The following MMS22L variants were observed in gnomAD, a reference collection of about 807,000 sequenced individuals.
MMS22L encodes the protein protein MMS22-like.
A neutral mutation model predicts 159.1 loss-of-function variants in MMS22L; 74 were observed. The ratio of observed to expected loss-of-function variants is 0.47; its 90% CI spans 0.39 to 0.56. The LOEUF is 0.56. MMS22L is among the 20% of genes least tolerant of loss of function. The pLI is 0.00. For missense variants in MMS22L, 1,351 were observed against 1,422.1 expected (o/e 0.95, Z 0.80); for synonymous variants, 517 against 506.9 (o/e 1.02, Z -0.27).
Position 97,270,257 on chromosome 6 carries a change from T to C in MMS22L, c.607-265A>G, listed in dbSNP as rs1348483736. ...ATAGACTTGTATAGTAAAGGTACCTTCCAACCAACCTCTGATTCTACTACA... is the reference window on the plus strand; with the variant it reads ...ATAGACTTGTATAGTAAAGGTACCTCCCAACCAACCTCTGATTCTACTACA... On this transcript the variant is annotated intron_variant, in intron 6 of 24. Coordinates refer to ENST00000683635, the MANE Select transcript of MMS22L (RefSeq NM_001350599.2). 5.3e-6 allele frequency: 3 copies of C among 569,594 alleles called. No homozygotes were observed. In the African/African-American group the frequency reaches 5.6e-5, roughly 11 times the overall value. The allele number at this position is 569,594 out of a possible 1,614,324, so 35.3% of individuals were successfully genotyped here. A position where few individuals can be genotyped will look rare whatever the true frequency, so the allele number is the denominator to read the frequency against.
Position 97,144,306 on chromosome 6 carries a change from G to GC in MMS22L, c.*2499dup, listed in dbSNP as rs1417323404. 6.6e-6 allele frequency: 1 copy of GC among 152,048 alleles called. No homozygotes were observed. The highest frequency in any genetic ancestry group is 1.5e-5 in the Non-Finnish European group (1 of 68,016). The allele number at this position is 152,048 out of a possible 1,614,324, so 9.4% of individuals were successfully genotyped here. ...GGATCCCCTGTGCATACCATAATCT[G>GC]CACTTACTCAAGTCCTGCAGTTAAC... On this transcript the variant is annotated 3_prime_UTR_variant, in exon 25 of 25. Transcript: ENST00000683635.
intron 22 of MMS22L, among the ~76,000 whole-genome samples, chr6:97,154,032 G>A (rs1801594088): frequency 6.6e-6 from 1 of 152,044 alleles, no homozygotes; most frequent in Non-Finnish European, 1.5e-5. Flanking sequence ...ACCGCTTGAG[G>A]AACTACTGGA....
intron 9 of MMS22L, among the ~76,000 whole-genome samples, chr6:97,257,720 C>T (rs904548451): frequency 1.3e-5 from 2 of 151,990 alleles, no homozygotes; most frequent in African/African-American, 4.8e-5. Context: ...AGCCACCACA[C>T]CTGGTCTATT....
intron 20 of MMS22L, among the ~76,000 whole-genome samples, chr6:97,166,940 A>G (rs780603024): frequency 7.9e-5 from 12 of 152,150 alleles, no homozygotes; most frequent in Non-Finnish European, 1.6e-4. Context: ...AATAAAAATT[A>G]GAGGGAAAAT....
At chr6:97,169,142 TAAAC>T (rs1232669411) in intron 19 of MMS22L, among the ~76,000 whole-genome samples, 1 of 152,110 alleles carries the variant, frequency 6.6e-6, no homozygotes, top group Non-Finnish European at 1.5e-5. Context: ...TTATTTAATA[TAAAC>T]AAACAAAATT....
intron 8 of MMS22L, chr6:97,266,938 T>G (rs1283927580): frequency 1.3e-5 from 2 of 152,158 alleles, no homozygotes; most frequent in South Asian, 2.1e-4. Flanking sequence ...TTAAAAACAA[T>G]GTACTATATT....
rs760945698 is a variant in MMS22L at position 97,181,948 on chromosome 6, G to A, written c.2340C>T (p.Cys780=). The A allele has an allele frequency of 7.4e-6, 12 of 1,613,272 alleles. No homozygotes were observed. The highest frequency in any genetic ancestry group is 1.1e-5 in the South Asian group (1 of 90,840). Residue 780 remains cysteine, a synonymous_variant, in exon 16 of 25, where the codon TGC becomes TGT. Transcript: ENST00000683635. ...IQLFGWDDII[C]PQVVARYLSH... is the part of the protein sequence containing the mutation. ...TTAAATATCTTGCTACAACTTGAGGGCAGATGATATCATCCCAACCAAAAA... is the reference window on the plus strand; with the variant it reads ...TTAAATATCTTGCTACAACTTGAGGACAGATGATATCATCCCAACCAAAAA...
chr6:97,263,320 A>C lies in MMS22L; in HGVS notation c.942+15T>G, dbSNP rs1814698518. On this transcript the variant is annotated intron_variant, in intron 9 of 24. Coordinates refer to ENST00000683635, the MANE Select transcript of MMS22L (RefSeq NM_001350599.2). ...GGTTAGTAACAATAACCAACACATCAATTTTCCAACTTACTTCCGAGACAA... is the reference window on the plus strand; with the variant it reads ...GGTTAGTAACAATAACCAACACATCCATTTTCCAACTTACTTCCGAGACAA... The C allele has an allele frequency of 6.8e-7, 1 of 1,477,634 alleles. No individual in the cohort carries two copies. 91.5% of individuals were successfully genotyped at this position (1,477,634 alleles called of 1,614,324 possible).
chr6:97,250,338 C>A (rs1270314172), intron 10 of MMS22L, among the ~76,000 whole-genome samples: 1 of 152,176 alleles, frequency 6.6e-6, no homozygotes, highest in Non-Finnish European at 1.5e-5. Context: ...TAGTCTGGTG[C>A]AACTCTCATT....
Position 97,181,956 on chromosome 6 carries a change from T to C in MMS22L, c.2332A>G (p.Ile778Val), listed in dbSNP as rs757257264. ...SIIQLFGWDD[I>V]ICPQVVARYL... ...CTTGCTACAACTTGAGGGCAGATGA[T>C]ATCATCCCAACCAAAAAGTTGAATA... Residue 778 changes from isoleucine (I) to valine (V), a missense_variant, in exon 16 of 25, where the codon ATC (isoleucine) becomes GTC (valine). Physicochemically the swap from Ile to Val is conservative, Grantham distance 29. Transcript: ENST00000683635. The C allele has an allele frequency of 5.0e-6, 8 of 1,613,788 alleles. No homozygotes were observed. The highest frequency in any genetic ancestry group is 3.3e-5 in the South Asian group (3 of 91,032).
At chr6:97,176,858 T>C (rs1255668391) in intron 18 of MMS22L, among the ~76,000 whole-genome samples, 1 of 152,162 alleles carries the variant, frequency 6.6e-6, no homozygotes, top group African/African-American at 2.4e-5. Flanking sequence ...TATCCCTCTG[T>C]TAATAAGTCA....
intron 11 of MMS22L, among the ~76,000 whole-genome samples, chr6:97,244,244 G>A (rs1044561305): frequency 2.6e-5 from 4 of 152,144 alleles, no homozygotes; most frequent in Non-Finnish European, 5.9e-5. Context: ...TGGTACTACA[G>A]GGGGGACATA....
intron 11 of MMS22L, 104 bp from the exon 12 acceptor site, chr6:97,234,084 AAT>A: frequency 7.9e-7 from 1 of 1,262,208 alleles, no homozygotes; most frequent in Non-Finnish European, 1.1e-6. Context: ...AAAGAAAATA[AAT>A]ATGTGTCACC....
At chr6:97,175,967 T>C (rs1804072261) in intron 18 of MMS22L, among the ~76,000 whole-genome samples, 1 of 152,210 alleles carries the variant, frequency 6.6e-6, no homozygotes, top group Admixed American at 6.5e-5. Context: ...ATCACACAAG[T>C]GCTTTTCATT....
At chr6:97,199,992 T>A (rs1179209412) in intron 14 of MMS22L, among the ~76,000 whole-genome samples, 1 of 152,110 alleles carries the variant, frequency 6.6e-6, no homozygotes, top group Non-Finnish European at 1.5e-5. Flanking sequence ...ACAAGCTGAA[T>A]GCCTCCTCTC....
intron 9 of MMS22L, chr6:97,260,762 T>A (rs1814378372): frequency 2.0e-5 from 3 of 152,192 alleles, no homozygotes; most frequent in Admixed American, 6.5e-5. Flanking sequence ...TAGATTAGGA[T>A]TAGCTTAAAA....
intron 11 of MMS22L, among the ~76,000 whole-genome samples, chr6:97,244,333 T>C (rs188211051): frequency 6.6e-6 from 1 of 152,218 alleles, no homozygotes; most frequent in Non-Finnish European, 1.5e-5. Context: ...CATGAGTTTA[T>C]GTTTTCTATC....
At chr6:97,147,152 A>C (rs1318748766) in intron 24 of MMS22L, among the ~76,000 whole-genome samples, 1 of 152,160 alleles carries the variant, frequency 6.6e-6, no homozygotes, top group Non-Finnish European at 1.5e-5. Context: ...CTTCCGAAAT[A>C]TTATAATGCT....
At chr6:97,184,369 T>C (rs1209292) in intron 15 of MMS22L, among the ~76,000 whole-genome samples, 67,920 of 151,882 alleles carry the variant, frequency 0.45, 15,356 homozygotes, top group South Asian at 0.53. Context: ...AGTTTCATGG[T>C]TTTAAAGAAT....
Sources: gnomAD v4.1 joint callset for allele counts (sites outside exome capture counted in the v4.1 genomes callset) on GRCh38, gnomAD v4.1.1 for gene constraint, MANE v1.5 for transcripts, NCBI Gene and HGNC (gene_info 2026-07-23, HGNC 2026-07-21) for gene names.